The following NEB variants were observed in gnomAD, a reference collection of about 807,000 sequenced individuals.
NEB encodes nemaline myopathy type 2.
Under a neutral mutation model 952.2 loss-of-function variants are expected in NEB, and 512 were observed. The observed-to-expected ratio is 0.54, with a 90% confidence interval of 0.50 to 0.58. The LOEUF is 0.58. Among genes scored for constraint, NEB ranks in the 20% least tolerant of loss-of-function variants. NEB has a pLI of 0.00. For missense variants in NEB, 8,428 were observed against 9,231.1 expected, an observed-to-expected ratio of 0.91 and a Z score of 3.56; for synonymous variants, 2,900 against 3,149.8, an observed-to-expected ratio of 0.92 and a Z score of 2.66.
At chr2:151,535,930 CAG>C in intron 141 of NEB, 135 bp from the exon 142 acceptor site, 2 of 578,946 alleles carry the variant, frequency 3.5e-6, no homozygotes, top group South Asian at 2.2e-5. Context: ...TGTTTTGAGA[CAG>C]GGTTTCACTC....
chr2:151,707,370 A>G (rs1046276732), intron 12 of NEB, among the ~76,000 whole-genome samples: 7 of 152,206 alleles, frequency 4.6e-5, no homozygotes, highest in Admixed American at 2.0e-4. Context: ...ACCTGCTGCT[A>G]TAGAACCTTC....
At chr2:151,679,699 G>T in intron 32 of NEB, 22 bp downstream of exon 32, 1 of 846,576 alleles carries the variant, frequency 1.2e-6, no homozygotes, top group Non-Finnish European at 1.8e-6. Flanking sequence ...AGTTGCCCAT[G>T]TATGACCACA....
rs2149873980 is a variant in NEB at position 151,706,986 on chromosome 2, T to C, written c.1047A>G (p.Lys349=). ...AGVAASKVKY[K]EDYEKNKGKA... ...TTCCTTTATTCTTTTCATAGTCTTC[T>C]TTGTATTTTACCTGTAGGAGTGAAA... The change falls in exon 13 of 182, where the codon AAA becomes AAG. Residue 349 remains lysine (K), a synonymous_variant. Coordinates refer to ENST00000397345, the MANE Select transcript of NEB (RefSeq NM_001164508.2). 1 of 1,575,956 alleles carries C rather than the reference T, an allele frequency of 6.3e-7. No homozygotes were observed. The highest frequency in any genetic ancestry group is 8.6e-7 in the Non-Finnish European group (1 of 1,157,652).
chr2:151,622,157 T>C (rs1443315716), intron 71 of NEB, among the ~76,000 whole-genome samples: 2 of 152,126 alleles, frequency 1.3e-5, no homozygotes, highest in African/African-American at 2.4e-5. Flanking sequence ...TGTGCCACCA[T>C]GCCCAGCTAA....
intron 28 of NEB, among the ~76,000 whole-genome samples, chr2:151,684,009 G>T (rs1163700032): frequency 1.3e-5 from 2 of 152,080 alleles, no homozygotes; most frequent in African/African-American, 4.8e-5. Context: ...AGGTATCTAG[G>T]GTTAGTCAAA....
chr2:151,520,151 G>A (rs1406041863), intron 153 of NEB, among the ~76,000 whole-genome samples: 1 of 152,056 alleles, frequency 6.6e-6, no homozygotes, highest in Non-Finnish European at 1.5e-5. Flanking sequence ...AGCAATTTAA[G>A]TCTGTGAAAT....
At chr2:151,509,912 GTT>G (rs1250904830) in intron 161 of NEB, among the ~76,000 whole-genome samples, 9 of 152,108 alleles carry the variant, frequency 5.9e-5, no homozygotes, top group Non-Finnish European at 1.3e-4. Context: ...CCGACCAAGA[GTT>G]TTTATTTCTG....
At chr2:151,646,345 A>T in intron 54 of NEB, 111 bp from the exon 55 acceptor site, 1 of 819,492 alleles carries the variant, frequency 1.2e-6, no homozygotes, top group Non-Finnish European at 2.0e-6. Context: ...TACAGAATTG[A>T]TATAATAAGC....
At chr2:151,666,916 C>T (rs1381702522) in intron 40 of NEB, among the ~76,000 whole-genome samples, 3 of 151,886 alleles carry the variant, frequency 2.0e-5, no homozygotes, top group Non-Finnish European at 4.4e-5. Flanking sequence ...TACCTTAAAA[C>T]GTATTTGTAT....
intron 23 of NEB, among the ~76,000 whole-genome samples, chr2:151,691,218 C>T (rs978723162): frequency 6.6e-6 from 1 of 152,094 alleles, no homozygotes; most frequent in African/African-American, 2.4e-5. Flanking sequence ...TTCAGCCACC[C>T]CATCCTTTCA....
intron 35 of NEB, 32 bp downstream of exon 35, chr2:151,675,255 G>C: frequency 6.9e-7 from 1 of 1,440,488 alleles, no homozygotes; most frequent in South Asian, 1.2e-5. Flanking sequence ...TGTCAGGTCC[G>C]AATTTCACAT....
At chr2:151,550,171 G>C (rs867947091) in intron 129 of NEB, among the ~76,000 whole-genome samples, 1 of 150,532 alleles carries the variant, frequency 6.6e-6, no homozygotes, top group Non-Finnish European at 1.5e-5. Context: ...AGAAGCTAAG[G>C]TGGGAGGATC....
rs1463756656 is a variant in NEB at position 151,725,482 on chromosome 2, T to G, written c.373A>C (p.Ile125Leu). 1.2e-6 allele frequency: 2 copies of G among 1,613,534 alleles called. No individual in the cohort carries two copies. The highest frequency in any genetic ancestry group is 1.7e-6 in the Non-Finnish European group (2 of 1,179,660). The change falls in exon 6 of 182, where the codon ATC (isoleucine) becomes CTC (leucine). Residue 125 changes from isoleucine (I) to leucine (L), a missense_variant. Physicochemically the swap from Ile to Leu is conservative, Grantham distance 5 (BLOSUM62 2). Transcript: ENST00000397345. ...STTDTPELRR[I>L]KKVQDQLSEV... is the part of the protein sequence containing the mutation. ...CTGAGTTGATCTTGTACTTTTTTGA[T>G]TCTGCGAAGTTCTGGAGTATCTGTT...
Position 151,673,738 on chromosome 2 carries a change from T to C in NEB, c.3987+739A>G, listed in dbSNP as rs1003429591. Among the ~76,000 whole-genome samples the C allele has an allele frequency of 4.1e-5, 6 of 146,326 alleles. No homozygotes were observed. The South Asian group carries it at 6.7e-4, about 16-fold the overall frequency. Reference sequence around the variant, plus strand: ...TCTAAAAATTTTTCTTTTTCTTTTTTTTTTTTTTTTTTTGAGATGGAGTCT... The same window carrying C: ...TCTAAAAATTTTTCTTTTTCTTTTTCTTTTTTTTTTTTTGAGATGGAGTCT... On this transcript the variant is annotated intron_variant, in intron 36 of 181. Transcript: ENST00000397345.
chr2:151,568,846 G>T, intron 110 of NEB, 130 bp from the exon 111 acceptor site: 1 of 683,082 alleles, frequency 1.5e-6, no homozygotes, highest in Non-Finnish European at 2.4e-6. Flanking sequence ...GTCTTCTTGG[G>T]AATTTGGCTT....
chr2:151,683,036 T>C (rs4453694), intron 28 of NEB, among the ~76,000 whole-genome samples: 129,984 of 152,176 alleles, frequency 0.85, 56,394 homozygotes, highest in Middle Eastern at 0.94. Flanking sequence ...CTGGAAAATG[T>C]TCGAGTCAAA....
chr2:151,709,777 G>A lies in NEB; in HGVS notation c.928-14C>T, dbSNP rs2099738683. 2 of 1,553,876 alleles carry A rather than the reference G, an allele frequency of 1.3e-6. No homozygotes were observed. Among genetic ancestry groups the A allele is most frequent in the African/African-American group, 1.3e-5 (1 of 74,110 alleles). Reference sequence around the variant, plus strand: ...CTGGTATTTCCTCTGTAAGACATCAGACAAGCTGAAGAACTGCTGTGGAAA... The same window carrying A: ...CTGGTATTTCCTCTGTAAGACATCAAACAAGCTGAAGAACTGCTGTGGAAA... On this transcript the variant is annotated splice_polypyrimidine_tract_variant and intron_variant, in intron 11 of 181. Coordinates refer to ENST00000397345, the MANE Select transcript of NEB (RefSeq NM_001164508.2).
intron 157 of NEB, among the ~76,000 whole-genome samples, chr2:151,516,153 T>C (rs148357666): frequency 1.3e-5 from 2 of 152,186 alleles, no homozygotes; most frequent in Non-Finnish European, 2.9e-5. Context: ...GAGGGAACTT[T>C]TCATTCATAA....
At chr2:151,505,065 CAT>C (rs377576558) in intron 165 of NEB, among the ~76,000 whole-genome samples, 192 of 152,238 alleles carry the variant, frequency 1.3e-3, no homozygotes, top group Non-Finnish European at 1.8e-3. Flanking sequence ...TACACACACA[CAT>C]GTTTTATATA....
Sources: allele counts gnomAD v4.1 joint callset (sites outside exome capture counted in the v4.1 genomes callset), GRCh38; gene constraint gnomAD v4.1.1; transcripts MANE v1.5; gene names NCBI Gene and HGNC (gene_info 2026-07-23, HGNC 2026-07-21).